Variants in ZNF236 observed in about 807,000 individuals in gnomAD.
The protein encoded by ZNF236 is regulated by glucose.
In ZNF236, 50 loss-of-function variants were observed where a neutral mutation model predicts 191.2. That is an observed-to-expected ratio of 0.26 (90% CI 0.21 to 0.33). The LOEUF (loss-of-function observed/expected upper bound fraction) is 0.33. ZNF236 is among the 10% of genes least tolerant of loss of function. The probability of loss-of-function intolerance (pLI) is 1.00; values close to 1 mark genes in which losing one functional copy is unlikely to be tolerated. For missense variants in ZNF236, 1,754 were observed against 2,374.5 expected (o/e 0.74, Z 5.43); for synonymous variants, 907 against 928.8 (o/e 0.98, Z 0.43).
In ZNF236 at chr18:76,972,631, A is replaced by G. The variant is rs893125711; in HGVS notation, c.*4292A>G. On this transcript the variant is annotated 3_prime_UTR_variant, in exon 31 of 31. Transcript: ENST00000320610. ...TTATGTGTAACACTTTACAGCATGA[A>G]GACGTATTCTATCAATATTTGTATC... 2.6e-5 allele frequency among the ~76,000 whole-genome samples: 4 copies of G among 152,252 alleles called. No individual in the cohort carries two copies. The highest frequency in any genetic ancestry group is 5.9e-5 in the Non-Finnish European group (4 of 68,052).
intron 3 of ZNF236, among the ~76,000 whole-genome samples, chr18:76,855,120 C>T (rs781004004): frequency 7.2e-5 from 11 of 152,228 alleles, no homozygotes; most frequent in Non-Finnish European, 1.3e-4. Context: ...GACGGGGTTT[C>T]GCCATGTTGG....
At chr18:76,966,356 CAG>C (rs1291783269) in intron 30 of ZNF236, among the ~76,000 whole-genome samples, 4 of 151,922 alleles carry the variant, frequency 2.6e-5, no homozygotes, top group Non-Finnish European at 4.4e-5. Context: ...CACACACACA[CAG>C]AGACACACAC....
rs1599354783 is a variant in ZNF236 at position 76,875,374 on chromosome 18, C to T, written c.668-118C>T. 1.0e-6 allele frequency: 1 copy of T among 980,228 alleles called. No homozygotes were observed. The highest frequency in any genetic ancestry group is 2.9e-5 in the East Asian group (1 of 34,406). The allele number at this position is 980,228 out of a possible 1,614,324, so 60.7% of individuals were successfully genotyped here. The stretch of plus-strand genomic sequence containing the variant: ...CACTTGTATATATGCATCTAGAGTT[C>T]TGGGGAGACATTTTGGCTGGAGGGA... On this transcript the variant is annotated intron_variant, in intron 5 of 30. Transcript: ENST00000320610. This position sits in a 1 kb window ranked among gnomAD's most constrained non-coding sequence, Gnocchi z 4.3.
intron 30 of ZNF236, among the ~76,000 whole-genome samples, chr18:76,966,604 C>G (rs994125728): frequency 6.6e-6 from 1 of 152,190 alleles, no homozygotes; most frequent in African/African-American, 2.4e-5. Context: ...AGTTCAGGTG[C>G]TGTCTCGGTG....
At position 76,847,528 on chromosome 18, in the gene ZNF236, C is replaced by G. The variant is rs954724177; in HGVS notation, c.56-1998C>G. Among the ~76,000 whole-genome samples, 6 of 152,088 alleles carry G rather than the reference C, an allele frequency of 3.9e-5. No individual in the cohort carries two copies. The South Asian group carries it at 1.2e-3, about 32-fold the overall frequency. ...TCACCCAGGCTGGAGTGCAGTGGCG[C>G]GATCTCAGCTCACTGCAAGCTCGGC... On this transcript the variant is annotated intron_variant, in intron 1 of 30. Transcript: ENST00000320610.
intron 30 of ZNF236, among the ~76,000 whole-genome samples, chr18:76,961,537 A>G (rs1326724471): frequency 3.9e-5 from 6 of 152,078 alleles, no homozygotes; most frequent in Non-Finnish European, 8.8e-5. Flanking sequence ...TTTTCATACA[A>G]TGAAAAAGAT....
At chr18:76,937,780 A>G (rs1276431886) in intron 26 of ZNF236, among the ~76,000 whole-genome samples, 2 of 152,172 alleles carry the variant, frequency 1.3e-5, no homozygotes, top group East Asian at 3.9e-4. Context: ...AGTCACTGAG[A>G]TTCTTAGATG....
In ZNF236 at chr18:76,955,283, G is replaced by T. The variant is rs556655246; in HGVS notation, c.4915-702G>T. Among the ~76,000 whole-genome samples the T allele has an allele frequency of 1.6e-4, 25 of 152,194 alleles. No individual in the cohort carries two copies. In the South Asian group the frequency reaches 5.0e-3, roughly 30 times the overall value. On this transcript the variant is annotated intron_variant, in intron 27 of 30. Transcript: ENST00000320610. ...GTTAGCTGGGCATGATGGTGAGGTGGTGCGTACCTGTGGACGCAGGCGTGC... is the reference window on the plus strand; with the variant it reads ...GTTAGCTGGGCATGATGGTGAGGTGTTGCGTACCTGTGGACGCAGGCGTGC...
intron 1 of ZNF236, among the ~76,000 whole-genome samples, chr18:76,826,145 T>C (rs1255579055): frequency 6.6e-6 from 1 of 151,902 alleles, no homozygotes; most frequent in African/African-American, 2.4e-5. Context: ...AGTTGGAGTC[T>C]CTATTGCCCA....
chr18:76,968,665 C>A lies in ZNF236; in HGVS notation c.*326C>A. 1 of 1,043,564 alleles carries A rather than the reference C, an allele frequency of 9.6e-7. No individual in the cohort carries two copies. Among genetic ancestry groups the A allele is most frequent in the Non-Finnish European group, 1.2e-6 (1 of 868,202 alleles). The allele number at this position is 1,043,564 out of a possible 1,614,324, so 64.6% of individuals were successfully genotyped here. ...TCTTACTATCATTGTAGTGTGATTT[C>A]TTTGTATTAGCAAAGACAAAAACGC... is the stretch of plus-strand genomic sequence containing the variant. On this transcript the variant is annotated 3_prime_UTR_variant, in exon 31 of 31. Coordinates refer to ENST00000320610, the MANE Select transcript of ZNF236 (RefSeq NM_001306089.2).
intron 5 of ZNF236, among the ~76,000 whole-genome samples, chr18:76,873,903 C>T (rs1220088113): frequency 6.6e-6 from 1 of 151,212 alleles, no homozygotes; most frequent in Non-Finnish European, 1.5e-5. Context: ...CTCCTGTCCC[C>T]ATGCGGGCAG....
At chr18:76,912,437 T>C in intron 17 of ZNF236, 90 bp downstream of exon 17, 1 of 843,518 alleles carries the variant, frequency 1.2e-6, no homozygotes, top group Non-Finnish European at 1.9e-6. Context: ...GGCTCTGCGA[T>C]TTCATTCTCT....
intron 18 of ZNF236, 80 bp from the exon 19 acceptor site, chr18:76,915,567 G>T: frequency 7.7e-7 from 1 of 1,293,824 alleles, no homozygotes; most frequent in South Asian, 1.3e-5. Flanking sequence ...ACATATCTTT[G>T]TTTGGTTTTG....
chr18:76,825,504 A>G (rs561924024), intron 1 of ZNF236, among the ~76,000 whole-genome samples: 1 of 152,320 alleles, frequency 6.6e-6, no homozygotes, highest in African/African-American at 2.4e-5. Flanking sequence ...ATCACAGTCA[A>G]GAAGAACAGG....
chr18:76,829,823 C>T (rs1975116609), intron 1 of ZNF236, among the ~76,000 whole-genome samples: 1 of 152,228 alleles, frequency 6.6e-6, no homozygotes, highest in African/African-American at 2.4e-5. Flanking sequence ...CAGGCCTTCC[C>T]CGCACTGTCC....
intron 17 of ZNF236, 119 bp from the exon 18 acceptor site, chr18:76,913,628 T>C: frequency 3.0e-6 from 3 of 1,004,500 alleles, no homozygotes; most frequent in Non-Finnish European, 4.5e-6. Context: ...ATAACAGTTG[T>C]GCCTAAATGT....
At chr18:76,934,743 A>G (rs1407507015) in intron 25 of ZNF236, among the ~76,000 whole-genome samples, 1 of 152,242 alleles carries the variant, frequency 6.6e-6, no homozygotes, top group Non-Finnish European at 1.5e-5. Context: ...CTTGGGAACG[A>G]GGGGCTACCC....
chr18:76,917,642 A>G (rs1599392391), intron 19 of ZNF236, among the ~76,000 whole-genome samples: 1 of 152,174 alleles, frequency 6.6e-6, no homozygotes. Flanking sequence ...TTGGCCTAAC[A>G]CTTGCCGACT....
intron 1 of ZNF236, among the ~76,000 whole-genome samples, chr18:76,831,996 A>T (rs1052447290): frequency 6.6e-6 from 1 of 152,176 alleles, no homozygotes; most frequent in East Asian, 1.9e-4. Context: ...TCAGTCCTTT[A>T]GTACTTTTCG....
Sources: gnomAD v4.1 joint callset for allele counts (sites outside exome capture counted in the v4.1 genomes callset) on GRCh38, gnomAD v4.1.1 for gene constraint, Gnocchi (gnomAD v3.1) non-coding constraint, MANE v1.5 for transcripts, NCBI Gene and HGNC (gene_info 2026-07-23, HGNC 2026-07-21) for gene names.